Variants in CFH observed in about 807,000 individuals in gnomAD.
The protein encoded by CFH is H factor 1 (complement).
A neutral mutation model predicts 147.3 loss-of-function variants in CFH; 53 were observed. The ratio of observed to expected loss-of-function variants is 0.36; its 90% CI spans 0.29 to 0.45. The LOEUF (loss-of-function observed/expected upper bound fraction) is 0.45, where lower values mean the gene tolerates loss of function less well. Among genes scored for constraint, CFH ranks in the 20% least tolerant of loss-of-function variants. CFH has a pLI of 1.00. For synonymous variants in CFH, 536 were observed against 489.4 expected, an observed-to-expected ratio of 1.10 and a Z score of -1.26; for missense variants, 1,380 against 1,498.0, an observed-to-expected ratio of 0.92 and a Z score of 1.30.
chr1:196,711,249 T>C lies in CFH; in HGVS notation c.1337-2486T>C, dbSNP rs542466087. ...AATTTTTTCTACTTTTACTAATATC[T>C]AATGGTAGAGGCTAAGGTTATTGAA... On this transcript the variant is annotated intron_variant, in intron 9 of 21. Transcript: ENST00000367429. Among the ~76,000 whole-genome samples the C allele has an allele frequency of 8.5e-5, 13 of 152,260 alleles. No homozygotes were observed. The South Asian group carries it at 2.3e-3, about 27-fold the overall frequency.
At chr1:196,689,740 CAA>C in intron 8 of CFH, 126 bp downstream of exon 8, 1 of 1,018,992 alleles carries the variant, frequency 9.8e-7, no homozygotes, top group Non-Finnish European at 1.5e-6. Flanking sequence ...GTTGTTCAAG[CAA>C]AGTGACCAAA....
chr1:196,717,668 G>A (rs1037068362), intron 11 of CFH, among the ~76,000 whole-genome samples: 5 of 152,068 alleles, frequency 3.3e-5, no homozygotes, highest in Non-Finnish European at 7.4e-5. Context: ...CTTGAGGAAA[G>A]TTGTGCACTG....
chr1:196,697,869 C>T (rs1045634568), intron 9 of CFH, among the ~76,000 whole-genome samples: 6 of 151,846 alleles, frequency 4.0e-5, no homozygotes, highest in Admixed American at 3.9e-4. Context: ...ATGGATGAAG[C>T]TGGAAACCAT....
At chr1:196,663,788 T>C (rs909035479) in intron 1 of CFH, among the ~76,000 whole-genome samples, 2 of 152,116 alleles carry the variant, frequency 1.3e-5, no homozygotes, top group African/African-American at 4.8e-5. Flanking sequence ...GTAAGAAGAG[T>C]GTGGTTTACT....
Position 196,689,443 on chromosome 1 carries a change from A to G in CFH, c.988A>G (p.Ile330Val). 6.2e-7 allele frequency: 1 copy of G among 1,613,040 alleles called. No individual in the cohort carries two copies. ...CTLKPCDYPD[I>V]KHGGLYHENM... ...AGTGAAACCTTGTGATTATCCAGAC[A>G]TTAAACATGGAGGTCTATATCATGA... Residue 330 changes from isoleucine to valine, a missense_variant, in exon 8 of 22, where the codon ATT becomes GTT. Around this residue, in one of 4 missense-constraint regions of CFH, gnomAD observed 167 missense variants for 228.0 expected, o/e 0.73. Coordinates refer to ENST00000367429, the MANE Select transcript of CFH (RefSeq NM_000186.4).
chr1:196,663,180 T>C (rs1380836385), intron 1 of CFH, among the ~76,000 whole-genome samples: 1 of 152,176 alleles, frequency 6.6e-6, no homozygotes, highest in African/African-American at 2.4e-5. Context: ...AATTGGTATG[T>C]TCCATTCATT....
intron 1 of CFH, among the ~76,000 whole-genome samples, chr1:196,669,660 A>G (rs528248072): frequency 1.3e-5 from 2 of 152,348 alleles, no homozygotes; most frequent in African/African-American, 2.4e-5. Context: ...GAAAATGTAT[A>G]TAAGTGCTTA....
chr1:196,711,069 G>C (rs1219501553), intron 9 of CFH, among the ~76,000 whole-genome samples: 1 of 151,984 alleles, frequency 6.6e-6, no homozygotes, highest in Non-Finnish European at 1.5e-5. Flanking sequence ...TAAGCAATTT[G>C]TGTTATTTTT....
chr1:196,656,050 A>C (rs1666674681), intron 1 of CFH, among the ~76,000 whole-genome samples: 1 of 152,228 alleles, frequency 6.6e-6, no homozygotes, highest in Non-Finnish European at 1.5e-5. Context: ...TCACACCTGT[A>C]ATCCCAACAC....
chr1:196,733,576 G>T (rs1317685159), intron 15 of CFH, among the ~76,000 whole-genome samples: 2 of 152,072 alleles, frequency 1.3e-5, no homozygotes, highest in East Asian at 3.9e-4. Context: ...GGGCAATGAA[G>T]CTCCTGGAAG....
intron 1 of CFH, among the ~76,000 whole-genome samples, chr1:196,657,795 T>G (rs1666755555): frequency 6.6e-6 from 1 of 152,010 alleles, no homozygotes; most frequent in Non-Finnish European, 1.5e-5. Context: ...ATATCTACTG[T>G]TTTTTATGCA....
At chr1:196,741,762 G>A in intron 18 of CFH, 113 bp from the exon 19 acceptor site, 2 of 928,362 alleles carry the variant, frequency 2.2e-6, no homozygotes, top group South Asian at 3.0e-5. Flanking sequence ...TAAGAAAAAT[G>A]TTGTACAGTA....
intron 5 of CFH, chr1:196,678,671 G>A (rs1184071471): frequency 6.6e-6 from 1 of 151,914 alleles, no homozygotes; most frequent in African/African-American, 2.4e-5. Flanking sequence ...AAACTTCCTG[G>A]AATGGCTGAT....
At chr1:196,702,094 T>C (rs777216471) in intron 9 of CFH, among the ~76,000 whole-genome samples, 1 of 152,120 alleles carries the variant, frequency 6.6e-6, no homozygotes, top group Non-Finnish European at 1.5e-5. Context: ...AAAGACTGTT[T>C]GGACTGATTT....
Position 196,689,611 on chromosome 1 carries a change from C to T in CFH, c.1156C>T (p.Leu386Phe). The change falls in exon 8 of 22, where the codon CTC (leucine) becomes TTC (phenylalanine). Residue 386 changes from leucine to phenylalanine, a missense_variant. Transcript: ENST00000367429. ...QDGWSPAVPCLRKCYFPYLEN... is the reference protein window; with the variant it reads ...QDGWSPAVPCFRKCYFPYLEN... ...TGGATGGTCGCCAGCAGTACCATGC[C>T]TCAGTAAGTAAACCTCTGAACTGCT... The T allele has an allele frequency of 1.2e-6, 2 of 1,613,238 alleles. No homozygotes were observed. Among genetic ancestry groups the T allele is most frequent in the Non-Finnish European group, 8.5e-7 (1 of 1,179,488 alleles).
chr1:196,705,651 A>C (rs1668568897), intron 9 of CFH, among the ~76,000 whole-genome samples: 1 of 152,170 alleles, frequency 6.6e-6, no homozygotes. Flanking sequence ...TGAGGCCTGT[A>C]GCCTACTTTT....
At position 196,697,309 on chromosome 1, in the gene CFH, G is replaced by GA. The variant is rs1465234840; in HGVS notation, c.1336+7077dup. ...ACAATGAACTCAAACAAATTTACAA[G>GA]AAAAAAACAAACAACCCCATCAAAA... is the stretch of plus-strand genomic sequence containing the variant. On this transcript the variant is annotated intron_variant, in intron 9 of 21. Transcript: ENST00000367429. 2.4e-4 allele frequency among the ~76,000 whole-genome samples: 36 copies of GA among 152,012 alleles called. 1 individual carries two copies. The highest frequency in any genetic ancestry group is 2.8e-4 in the Non-Finnish European group (19 of 67,944).
Position 196,685,114 on chromosome 1 carries a change from A to C in CFH, c.841A>C (p.Arg281=). Residue 281 remains arginine (R), a synonymous_variant, in exon 7 of 22, where the codon AGG becomes CGG. Coordinates refer to ENST00000367429, the MANE Select transcript of CFH (RefSeq NM_000186.4). ...TCCAAATGGTGACTACTCACCTTTA[A>C]GGATTAAACACAGAACTGGAGATGA... ...YIPNGDYSPL[R]IKHRTGDEIT... The C allele has an allele frequency of 1.2e-6, 2 of 1,612,794 alleles. No homozygotes were observed. The highest frequency in any genetic ancestry group is 1.7e-6 in the Non-Finnish European group (2 of 1,179,054).
At chr1:196,667,445 T>C (rs1667139377) in intron 1 of CFH, among the ~76,000 whole-genome samples, 7 of 152,204 alleles carry the variant, frequency 4.6e-5, no homozygotes, top group Admixed American at 4.6e-4. Context: ...GAAATGACTC[T>C]CTTTTTATCT....
Sources: allele counts gnomAD v4.1 joint callset (sites outside exome capture counted in the v4.1 genomes callset), GRCh38; gene constraint gnomAD v4.1.1; regional missense constraint gnomAD v4.1.1; transcripts MANE v1.5; gene names NCBI Gene and HGNC (gene_info 2026-07-23, HGNC 2026-07-21).